Variants in LRRC4C observed in about 807,000 individuals in gnomAD.
LRRC4C encodes the protein leucine-rich repeat-containing protein 4C.
A neutral mutation model predicts 33.6 loss-of-function variants in LRRC4C; 5 were observed. That is an observed-to-expected ratio of 0.15 (90% CI 0.08 to 0.31). The LOEUF (loss-of-function observed/expected upper bound fraction) is 0.31, where lower values mean the gene tolerates loss of function less well. Ranked by LOEUF, LRRC4C falls within the 10% of genes least tolerant of loss-of-function variation. The probability of loss-of-function intolerance (pLI) is 1.00; values close to 1 mark genes in which losing one functional copy is unlikely to be tolerated. For missense variants in LRRC4C, 560 were observed against 796.7 expected, an observed-to-expected ratio of 0.70 and a Z score of 3.58; for synonymous variants, 329 against 302.0, an observed-to-expected ratio of 1.09 and a Z score of -0.93.
intron 3 of LRRC4C, among the ~76,000 whole-genome samples, chr11:40,564,901 T>G (rs1430893475): frequency 6.6e-6 from 1 of 152,048 alleles, no homozygotes; most frequent in East Asian, 1.9e-4. Context: ...ATGTAAGAAA[T>G]CCAAATGATC....
chr11:40,819,568 G>A (rs1410704192), intron 2 of LRRC4C, among the ~76,000 whole-genome samples: 3 of 152,088 alleles, frequency 2.0e-5, no homozygotes, highest in East Asian at 1.9e-4. Context: ...CATGGTTGGG[G>A]AAAATATATT....
chr11:40,808,640 A>G (rs1200530864), intron 2 of LRRC4C, among the ~76,000 whole-genome samples: 1 of 152,122 alleles, frequency 6.6e-6, no homozygotes, highest in Non-Finnish European at 1.5e-5. Flanking sequence ...TGCCTCACTT[A>G]AAATGCATGA....
At chr11:40,681,677 A>AC (rs34805101) in intron 2 of LRRC4C, among the ~76,000 whole-genome samples, 31,034 of 151,876 alleles carry the variant, frequency 0.2, 4,537 homozygotes, top group African/African-American at 0.41. Flanking sequence ...AGGCAGGTGG[A>AC]CCCCTTGAGC....
intron 1 of LRRC4C, among the ~76,000 whole-genome samples, chr11:41,081,646 T>C (rs1939579415): frequency 6.6e-6 from 1 of 152,074 alleles, no homozygotes; most frequent in Non-Finnish European, 1.5e-5. Flanking sequence ...ACCATTGGGG[T>C]TTCCAATATT....
At chr11:40,220,441 A>C (rs547924476) in intron 5 of LRRC4C, among the ~76,000 whole-genome samples, 1 of 152,316 alleles carries the variant, frequency 6.6e-6, no homozygotes, top group Non-Finnish European at 1.5e-5. Flanking sequence ...TTGCCTTGTA[A>C]AAATCATTTT....
intron 1 of LRRC4C, among the ~76,000 whole-genome samples, chr11:41,304,337 G>C (rs1261863583): frequency 3.6e-3 from 304 of 83,348 alleles, no homozygotes; most frequent in Admixed American, 7.1e-3. Context: ...CGCCCCGTCC[G>C]GGAGGGAGGT....
At chr11:40,620,805 C>T (rs1194333411) in intron 3 of LRRC4C, among the ~76,000 whole-genome samples, 1 of 151,786 alleles carries the variant, frequency 6.6e-6, no homozygotes, top group Non-Finnish European at 1.5e-5. Flanking sequence ...AATCCTAACG[C>T]TGAGTAACTT....
intron 3 of LRRC4C, among the ~76,000 whole-genome samples, chr11:40,513,248 CAAAAAAAAA>C (rs1171178910): frequency 3.6e-5 from 2 of 55,004 alleles, no homozygotes; most frequent in South Asian, 8.2e-4. Flanking sequence ...GACTCCGTCT[CAAAAAAAAA>C]AAAAAAAAAA....
chr11:40,423,548 G>A (rs1419555563), intron 3 of LRRC4C, among the ~76,000 whole-genome samples: 1 of 151,794 alleles, frequency 6.6e-6, no homozygotes, highest in Non-Finnish European at 1.5e-5. Context: ...GTTTCACCGT[G>A]TTAGCCAGGA....
intron 5 of LRRC4C, among the ~76,000 whole-genome samples, chr11:40,186,307 C>T (rs1861395438): frequency 6.6e-6 from 1 of 152,130 alleles, no homozygotes; most frequent in Non-Finnish European, 1.5e-5. Context: ...GGGAATTTCT[C>T]CTGACTCTCC....
chr11:40,719,995 G>T (rs1419041376), intron 2 of LRRC4C, among the ~76,000 whole-genome samples: 1 of 152,128 alleles, frequency 6.6e-6, no homozygotes, highest in African/African-American at 2.4e-5. Flanking sequence ...TGGGAAGTGA[G>T]TAGTTTGCCT....
intron 1 of LRRC4C, among the ~76,000 whole-genome samples, chr11:41,167,628 A>G (rs1178644731): frequency 6.6e-6 from 1 of 152,160 alleles, no homozygotes; most frequent in Non-Finnish European, 1.5e-5. Context: ...TCTAATTAAC[A>G]GTACTAATAA....
chr11:41,109,580 GTC>G (rs894107673), intron 1 of LRRC4C, among the ~76,000 whole-genome samples: 24 of 151,992 alleles, frequency 1.6e-4, no homozygotes, highest in Non-Finnish European at 2.5e-4. Flanking sequence ...CTTCTTTACC[GTC>G]TCTAAATATC....
intron 2 of LRRC4C, among the ~76,000 whole-genome samples, chr11:40,903,613 T>C (rs1956298856): frequency 6.6e-6 from 1 of 152,040 alleles, no homozygotes; most frequent in Admixed American, 6.6e-5. Context: ...TAGGAAGAGG[T>C]CAAACTATCA....
chr11:41,026,356 G>C (rs1024708842), intron 1 of LRRC4C, among the ~76,000 whole-genome samples: 3 of 151,590 alleles, frequency 2.0e-5, no homozygotes, highest in Admixed American at 2.0e-4. Flanking sequence ...GGTAGAAAAA[G>C]CAAGAGAATT....
chr11:40,805,355 A>T (rs1245151837), intron 2 of LRRC4C, among the ~76,000 whole-genome samples: 1 of 152,218 alleles, frequency 6.6e-6, no homozygotes, highest in Non-Finnish European at 1.5e-5. Context: ...TAGTCCTACC[A>T]CTTGACCAAT....
intron 1 of LRRC4C, among the ~76,000 whole-genome samples, chr11:40,988,716 T>TC (rs1417630383): frequency 8.4e-6 from 1 of 119,318 alleles, no homozygotes; most frequent in African/African-American, 4.4e-5. Flanking sequence ...TTCTTTTCTT[T>TC]TTTTTTTTTT....
intron 2 of LRRC4C, among the ~76,000 whole-genome samples, chr11:40,912,646 C>A (rs981576633): frequency 7.2e-5 from 11 of 152,208 alleles, no homozygotes; most frequent in African/African-American, 2.6e-4. Flanking sequence ...AACTAACGAG[C>A]AAAATAACCA....
chr11:41,238,842 C>T (rs1948128696), intron 1 of LRRC4C, among the ~76,000 whole-genome samples: 1 of 152,070 alleles, frequency 6.6e-6, no homozygotes, highest in Non-Finnish European at 1.5e-5. Context: ...ATCGTTCCTC[C>T]AAGTCATTTC....
Sources: allele counts gnomAD v4.1 joint callset (sites outside exome capture counted in the v4.1 genomes callset), GRCh38; gene constraint gnomAD v4.1.1; transcripts MANE v1.5; gene names NCBI Gene and HGNC (gene_info 2026-07-23, HGNC 2026-07-21).